SNX25: variants seen among roughly 807,000 people sequenced by gnomAD.
SNX25 encodes the protein sorting nexin 25, also known as sorting nexin-25.
In SNX25, 62 loss-of-function variants were observed where a neutral mutation model predicts 113.7. The observed-to-expected ratio is 0.55, with a 90% CI of 0.44 to 0.67. The LOEUF (loss-of-function observed/expected upper bound fraction) is 0.67, where lower values mean the gene tolerates loss of function less well. SNX25 is among the 30% of genes least tolerant of loss of function. The pLI, the probability that SNX25 is intolerant of heterozygous loss-of-function variation, is 0.00. For synonymous variants in SNX25, 421 were observed against 436.2 expected (o/e 0.97, Z 0.43); for missense variants, 1,014 against 1,161.0 (o/e 0.87, Z 1.84).
intron 9 of SNX25, 104 bp from the exon 10 acceptor site, chr4:185,332,491 T>G: frequency 8.9e-7 from 1 of 1,120,252 alleles, no homozygotes; most frequent in Non-Finnish European, 1.2e-6. Context: ...TTAGTATTCT[T>G]TCCTTACTGG....
chr4:185,252,127 T>C (rs1745755554), intron 2 of SNX25, among the ~76,000 whole-genome samples: 1 of 152,162 alleles, frequency 6.6e-6, no homozygotes, highest in South Asian at 2.1e-4. Flanking sequence ...GGAGTAAAAT[T>C]CATGCATTTG....
chr4:185,258,905 A>G lies in SNX25; in HGVS notation c.572A>G (p.Asp191Gly). Residue 191 changes from aspartate (D) to glycine (G), a missense_variant, in exon 3 of 19, where the codon GAT (aspartate) becomes GGT (glycine). Coordinates refer to ENST00000652585, the MANE Select transcript of SNX25 (RefSeq NM_001378034.2). ...ILSWYGNLSR[D>G]EGQLYHLLLE... ...TCCTGGTATGGAAACCTCAGCAGAG[A>G]TGAGGGACAACTTTACCATCTGCTC... The G allele has an allele frequency of 2.5e-6, 4 of 1,614,118 alleles. No individual in the cohort carries two copies. Among genetic ancestry groups the G allele is most frequent in the Non-Finnish European group, 3.4e-6 (4 of 1,180,000 alleles).
chr4:185,233,706 C>T (rs2126419403), intron 1 of SNX25, among the ~76,000 whole-genome samples: 1 of 152,142 alleles, frequency 6.6e-6, no homozygotes, highest in Admixed American at 6.5e-5. Flanking sequence ...AAGTGTTTGT[C>T]TGATTTGAAA....
intron 2 of SNX25, among the ~76,000 whole-genome samples, chr4:185,257,680 G>A (rs918267993): frequency 6.6e-6 from 1 of 151,480 alleles, no homozygotes; most frequent in Non-Finnish European, 1.5e-5. Context: ...TGAGCTTTTT[G>A]TTGTGGTATC....
intron 6 of SNX25, among the ~76,000 whole-genome samples, chr4:185,294,962 T>C (rs1444692031): frequency 6.6e-6 from 1 of 152,182 alleles, no homozygotes; most frequent in Admixed American, 6.6e-5. Flanking sequence ...TTTTGATGTA[T>C]GGCTGGCAAA....
chr4:185,269,096 C>A (rs895495910), intron 5 of SNX25, among the ~76,000 whole-genome samples: 4 of 152,084 alleles, frequency 2.6e-5, no homozygotes, highest in African/African-American at 9.7e-5. Context: ...AGCTAGAACC[C>A]AAGAGCCAGT....
chr4:185,298,046 C>T (rs1753082684), intron 6 of SNX25, among the ~76,000 whole-genome samples: 1 of 152,066 alleles, frequency 6.6e-6, no homozygotes, highest in African/African-American at 2.4e-5. Flanking sequence ...TGTCTGTACA[C>T]CACTATCCTT....
At chr4:185,313,526 G>T (rs1394559640) in intron 7 of SNX25, among the ~76,000 whole-genome samples, 3 of 152,114 alleles carry the variant, frequency 2.0e-5, no homozygotes, top group Non-Finnish European at 4.4e-5. Context: ...CCAAATATTT[G>T]GTAGCATATC....
intron 6 of SNX25, among the ~76,000 whole-genome samples, chr4:185,295,575 G>A (rs541618845): frequency 4.0e-5 from 6 of 151,624 alleles, no homozygotes; most frequent in East Asian, 1.9e-4. Context: ...TCAGCTTCCC[G>A]AGTAGCTGGG....
intron 5 of SNX25, among the ~76,000 whole-genome samples, chr4:185,281,774 G>C (rs1750597445): frequency 6.6e-6 from 1 of 152,198 alleles, no homozygotes; most frequent in African/African-American, 2.4e-5. Flanking sequence ...CCAGCACTTT[G>C]GGAGGCTGAG....
intron 6 of SNX25, among the ~76,000 whole-genome samples, chr4:185,306,337 A>G (rs1754466914): frequency 6.6e-6 from 1 of 152,264 alleles, no homozygotes; most frequent in Non-Finnish European, 1.5e-5. Flanking sequence ...TTTGTTAGCA[A>G]CAAGCTTTGT....
At chr4:185,322,914 A>G (rs1415187750) in intron 8 of SNX25, among the ~76,000 whole-genome samples, 2 of 152,232 alleles carry the variant, frequency 1.3e-5, no homozygotes, top group African/African-American at 4.8e-5. Flanking sequence ...AAAACTGCGT[A>G]ACATTTCTAG....
intron 1 of SNX25, among the ~76,000 whole-genome samples, chr4:185,225,609 G>A (rs917140459): frequency 6.6e-6 from 1 of 152,230 alleles, no homozygotes; most frequent in African/African-American, 2.4e-5. Context: ...ACAAATAGGT[G>A]TATTACAGGA....
chr4:185,357,775 A>T (rs2095345418), intron 16 of SNX25, 38 bp downstream of exon 16: 1 of 1,542,546 alleles, frequency 6.5e-7, no homozygotes, highest in African/African-American at 1.4e-5. Flanking sequence ...TCCATGCCCT[A>T]CTCTTTTGCC....
rs562725573 is a variant in SNX25, at chr4:185,217,729, T to G, written c.429+7474T>G. Reference sequence around the variant, plus strand: ...CCCTAGATTCCTTAAAATGTAGGATTCTTTATAGTCAGAATGGTACACGTG... The same window carrying G: ...CCCTAGATTCCTTAAAATGTAGGATGCTTTATAGTCAGAATGGTACACGTG... On this transcript the variant is annotated intron_variant, in intron 1 of 18. Coordinates refer to ENST00000652585, the MANE Select transcript of SNX25 (RefSeq NM_001378034.2). 1.3e-3 allele frequency among the ~76,000 whole-genome samples: 192 copies of G among 152,322 alleles called. 1 individual carries two copies. Among genetic ancestry groups the G allele is most frequent in the Non-Finnish European group, 2.3e-3 (157 of 68,028 alleles).
chr4:185,300,707 C>G (rs538893121), intron 6 of SNX25, among the ~76,000 whole-genome samples: 293 of 152,068 alleles, frequency 1.9e-3, no homozygotes, highest in Non-Finnish European at 3.2e-3. Context: ...TATTTATGTC[C>G]CCCCAAATTC....
chr4:185,299,018 C>T (rs1207279695), intron 6 of SNX25, among the ~76,000 whole-genome samples: 4 of 152,156 alleles, frequency 2.6e-5, no homozygotes, highest in African/African-American at 7.2e-5. Context: ...ACATGCAAAA[C>T]GACAGTGCAA....
At position 185,363,001 on chromosome 4, in the gene SNX25, C is replaced by G. The variant is rs1301641276; in HGVS notation, c.2934+290C>G. Among the ~76,000 whole-genome samples the G allele has an allele frequency of 6.6e-6, 1 of 152,132 alleles. No homozygotes were observed. Among genetic ancestry groups the G allele is most frequent in the Non-Finnish European group, 1.5e-5 (1 of 68,036 alleles). ...GGGATTACAGGCATGCACTACCATGCCCAGCTAACTTTTGTATTTTTAGTA... is the reference window on the plus strand; with the variant it reads ...GGGATTACAGGCATGCACTACCATGGCCAGCTAACTTTTGTATTTTTAGTA... On this transcript the variant is annotated intron_variant, in intron 18 of 18. Transcript: ENST00000652585. This position sits in a 1 kb window ranked among gnomAD's most constrained non-coding sequence, Gnocchi z 4.2.
chr4:185,266,875 T>C (rs1258820027), intron 4 of SNX25, 94 bp from the exon 5 acceptor site: 3 of 1,270,950 alleles, frequency 2.4e-6, no homozygotes, highest in Non-Finnish European at 3.3e-6. Flanking sequence ...ACTTGAAAAA[T>C]GTTTCCCAAA....
Sources: gnomAD v4.1 joint callset for allele counts (sites outside exome capture counted in the v4.1 genomes callset) on GRCh38, gnomAD v4.1.1 for gene constraint, Gnocchi (gnomAD v3.1) non-coding constraint, MANE v1.5 for transcripts, NCBI Gene and HGNC (gene_info 2026-07-23, HGNC 2026-07-21) for gene names.